ZKSCAN7: variants seen among roughly 807,000 people sequenced by gnomAD.
ZKSCAN7 encodes the protein zinc finger with KRAB and SCAN domains 7.
ZKSCAN7 carries 38 observed loss-of-function variants against 65.3 expected under a neutral mutation model. That is an observed-to-expected ratio of 0.58 (90% CI 0.45 to 0.76). ZKSCAN7 has a LOEUF of 0.76. Among genes scored for constraint, ZKSCAN7 ranks in the 30% least tolerant of loss-of-function variants. ZKSCAN7 has a pLI of 0.00. For missense variants in ZKSCAN7, 815 were observed against 913.3 expected (o/e 0.89, Z 1.39); for synonymous variants, 321 against 321.0 (o/e 1.00, Z 0.00).
chr3:44,557,555 C>T, intron 2 of ZKSCAN7, 85 bp downstream of exon 2: 3 of 1,573,020 alleles, frequency 1.9e-6, no homozygotes, highest in South Asian at 2.3e-5. Context: ...ACTTCCCAGG[C>T]CCTAGGCCAG....
At position 44,568,460 on chromosome 3, in the gene ZKSCAN7, A is replaced by C. The variant is rs779516046; in HGVS notation, c.811+27A>C. 5.6e-6 allele frequency: 9 copies of C among 1,607,606 alleles called. No homozygotes were observed. In the African/African-American group the frequency reaches 1.2e-4, roughly 22 times the overall value. On this transcript the variant is annotated intron_variant, in intron 5 of 5. Transcript: ENST00000426540. ...TAATGATTCTGTTTCCTAGTCACTT[A>C]AAGTCTGCATGCTGCACAATCTCTT...
chr3:44,573,872 T>A (rs2125729332), downstream of ZKSCAN7, among the ~76,000 whole-genome samples: 1 of 152,052 alleles, frequency 6.6e-6, no homozygotes, highest in East Asian at 1.9e-4. Context: ...AAAAAAAGAG[T>A]AGATGTAGGG....
chr3:44,580,886 G>T, intron 5 of ZKSCAN7: 1 of 1,613,638 alleles, frequency 6.2e-7, no homozygotes, highest in Admixed American at 1.7e-5. Flanking sequence ...GGAGCCAACC[G>T]CCATAAATGG....
At chr3:44,582,907 CGTGTGTGTGTGTGTGTGTGTGTGTGT>C in intron 5 of ZKSCAN7, 2 of 353,088 alleles carry the variant, frequency 5.7e-6, no homozygotes, top group Non-Finnish European at 1.1e-5. Context: ...CATGAATATT[CGTGTGTGTGTGTGTGTGTGTGTGTGT>C]GTGTGTGTGT....
chr3:44,581,579 A>G (rs184675730), intron 5 of ZKSCAN7, among the ~76,000 whole-genome samples: 13 of 152,350 alleles, frequency 8.5e-5, no homozygotes, highest in Admixed American at 7.2e-4. Flanking sequence ...GTTTTGTTAT[A>G]CAACACATAG....
intron 1 of ZKSCAN7, among the ~76,000 whole-genome samples, chr3:44,555,921 G>A (rs1273659028): frequency 6.6e-6 from 1 of 152,208 alleles, no homozygotes; most frequent in Non-Finnish European, 1.5e-5. Flanking sequence ...AATTATGTGT[G>A]CCATGTGCAC....
At chr3:44,581,111 T>C in intron 5 of ZKSCAN7, 5 of 998,018 alleles carry the variant, frequency 5.0e-6, no homozygotes, top group Non-Finnish European at 6.0e-6. Flanking sequence ...CGCCGCCGCA[T>C]CCCTCGCCGG....
intron 5 of ZKSCAN7, chr3:44,579,861 C>CT: frequency 1.2e-6 from 2 of 1,610,600 alleles, no homozygotes; most frequent in Non-Finnish European, 1.7e-6. Context: ...GTCAGCCAGC[C>CT]TTTCTTGAAA....
At position 44,571,741 on chromosome 3, in the gene ZKSCAN7, A is replaced by C; in HGVS notation, c.*366A>C. The C allele has an allele frequency of 9.6e-7, 1 of 1,045,016 alleles. No homozygotes were observed. The highest frequency in any genetic ancestry group is 1.2e-6 in the Non-Finnish European group (1 of 865,958). The allele number at this position is 1,045,016 out of a possible 1,614,324, so 64.7% of individuals were successfully genotyped here. On this transcript the variant is annotated 3_prime_UTR_variant, in exon 6 of 6. Transcript: ENST00000426540. ...ACTTCCTCCATTTCACCATTTATAC[A>C]AAGTCATTCAAAAAGGCTGATTCAT...
chr3:44,578,240 C>T, intron 5 of ZKSCAN7: 2 of 1,551,392 alleles, frequency 1.3e-6, no homozygotes, highest in Non-Finnish European at 1.8e-6. Flanking sequence ...CTTCTTGTCC[C>T]ACAGTGCTGT....
Position 44,557,214 on chromosome 3 carries a change from A to T in ZKSCAN7, c.167A>T (p.His56Leu). The T allele has an allele frequency of 6.2e-7, 1 of 1,614,266 alleles. No homozygotes were observed. The highest frequency in any genetic ancestry group is 1.3e-5 in the African/African-American group (1 of 75,080). ...CCTGTCTGCGAAATCTTCCGGCTAC[A>T]CTTCAGGCAATTGTGTTACCACGAG... ...YPPVCEIFRL[H>L]FRQLCYHEMS... Residue 56 changes from histidine to leucine, a missense_variant, in exon 2 of 6, where the codon CAC becomes CTC. His to Leu is a moderately conservative substitution (Grantham distance 99). Transcript: ENST00000426540.
At chr3:44,565,376 C>T in intron 2 of ZKSCAN7, 111 bp from the exon 3 acceptor site, 3 of 1,126,112 alleles carry the variant, frequency 2.7e-6, no homozygotes, top group Non-Finnish European at 2.5e-6. Flanking sequence ...GGAAGGACAC[C>T]CTGGCTCTTC....
chr3:44,573,974 T>G (rs1433662448), downstream of ZKSCAN7, among the ~76,000 whole-genome samples: 1 of 152,218 alleles, frequency 6.6e-6, no homozygotes, highest in African/African-American at 2.4e-5. Flanking sequence ...ATACCTCAAA[T>G]TCTATTGGTT....
chr3:44,560,226 C>T (rs1309547644), intron 2 of ZKSCAN7, among the ~76,000 whole-genome samples: 2 of 152,048 alleles, frequency 1.3e-5, no homozygotes, highest in South Asian at 2.1e-4. Context: ...TTTTCTGACA[C>T]GAAGACATAA....
rs746544355 is a variant in ZKSCAN7, at chr3:44,571,856, A to G, written c.*481A>G. ...ATCAGTTTTGTTCCCTATCTAGAAAACATTTTCTTCTGTTTGCTAATCTTT... is the reference window on the plus strand; with the variant it reads ...ATCAGTTTTGTTCCCTATCTAGAAAGCATTTTCTTCTGTTTGCTAATCTTT... On this transcript the variant is annotated 3_prime_UTR_variant, in exon 6 of 6. Coordinates refer to ENST00000426540, the MANE Select transcript of ZKSCAN7 (RefSeq NM_001288590.2). The G allele has an allele frequency of 1.4e-5, 14 of 987,800 alleles. No homozygotes were observed. The highest frequency in any genetic ancestry group is 1.0e-3 in the Middle Eastern group (2 of 1,914). The allele number at this position is 987,800 out of a possible 1,614,324, so 61.2% of individuals were successfully genotyped here.
At chr3:44,579,548 T>C (rs1223871474) in intron 5 of ZKSCAN7, among the ~76,000 whole-genome samples, 1 of 152,182 alleles carries the variant, frequency 6.6e-6, no homozygotes, top group Non-Finnish European at 1.5e-5. Flanking sequence ...GTTTTTTTCC[T>C]CTGGCAACCA....
At chr3:44,575,007 G>A (rs1033400005), downstream of ZKSCAN7, among the ~76,000 whole-genome samples, 5 of 151,480 alleles carry the variant, frequency 3.3e-5, no homozygotes, top group Non-Finnish European at 7.4e-5. Flanking sequence ...CAAATTCTGG[G>A]TCCAGTCAGG....
At chr3:44,579,299 C>T (rs539594162) in intron 5 of ZKSCAN7, among the ~76,000 whole-genome samples, 1 of 152,360 alleles carries the variant, frequency 6.6e-6, no homozygotes, top group East Asian at 1.9e-4. Flanking sequence ...CTCCAGCTCC[C>T]CAGGCTCCGC....
At chr3:44,564,167 A>G (rs985884691) in intron 2 of ZKSCAN7, among the ~76,000 whole-genome samples, 6 of 152,252 alleles carry the variant, frequency 3.9e-5, no homozygotes, top group African/African-American at 1.4e-4. Context: ...ATGCTGGTAA[A>G]AGGAGCAACC....
Sources: allele counts gnomAD v4.1 joint callset (sites outside exome capture counted in the v4.1 genomes callset), GRCh38; gene constraint gnomAD v4.1.1; transcripts MANE v1.5; gene names NCBI Gene and HGNC (gene_info 2026-07-23, HGNC 2026-07-21).